The following CNTN5 variants were observed in gnomAD, a reference collection of about 807,000 sequenced individuals.
CNTN5 encodes the protein contactin-5.
A neutral mutation model predicts 129.1 loss-of-function variants in CNTN5; 77 were observed. The observed-to-expected ratio is 0.60, with a 90% confidence interval of 0.50 to 0.72. The LOEUF (loss-of-function observed/expected upper bound fraction) is 0.72. CNTN5 is among the 30% of genes least tolerant of loss of function. CNTN5 has a pLI of 0.00. For missense variants in CNTN5, 1,478 were observed against 1,328.8 expected (o/e 1.11, Z -1.75); for synonymous variants, 509 against 465.6 (o/e 1.09, Z -1.20).
chr11:99,831,896 G>T (rs763536801), intron 4 of CNTN5, among the ~76,000 whole-genome samples: 3 of 152,096 alleles, frequency 2.0e-5, no homozygotes, highest in Admixed American at 1.3e-4. Flanking sequence ...TGGACATTGA[G>T]TTCTTCAGCA....
intron 2 of CNTN5, among the ~76,000 whole-genome samples, chr11:99,458,546 A>T (rs1944575505): frequency 6.6e-6 from 1 of 151,980 alleles, no homozygotes; most frequent in East Asian, 1.9e-4. Context: ...TCTATTATGG[A>T]TTTGTTATCA....
chr11:99,909,742 A>G (rs1949606045), intron 6 of CNTN5, among the ~76,000 whole-genome samples: 1 of 151,796 alleles, frequency 6.6e-6, no homozygotes, highest in African/African-American at 2.4e-5. Flanking sequence ...GTTCTCACTC[A>G]TAGGTGGGAA....
intron 2 of CNTN5, among the ~76,000 whole-genome samples, chr11:99,427,043 A>G (rs11530589): frequency 0.22 from 33,696 of 152,146 alleles, 3,827 homozygotes; most frequent in Middle Eastern, 0.28. Flanking sequence ...TTCTTAGGCC[A>G]GTTACCGAAA....
chr11:99,497,444 T>C lies in CNTN5; in HGVS notation c.-70-58701T>C, dbSNP rs192222168. Among the ~76,000 whole-genome samples, 44 of 152,160 alleles carry C rather than the reference T, an allele frequency of 2.9e-4. 1 individual carries two copies. Among genetic ancestry groups the C allele is most frequent in the Admixed American group, 9.2e-4 (14 of 15,290 alleles). On this transcript the variant is annotated intron_variant, in intron 2 of 24. Coordinates refer to ENST00000524871, the MANE Select transcript of CNTN5 (RefSeq NM_014361.4). The stretch of plus-strand genomic sequence containing the variant: ...GCCACAAAAAAGCTAGTAACCCAGA[T>C]AGAAAATTCCCCTTTTCTGTAGGAA...
chr11:99,732,069 C>T (rs1223450590), intron 3 of CNTN5, among the ~76,000 whole-genome samples: 3 of 151,992 alleles, frequency 2.0e-5, no homozygotes, highest in Admixed American at 1.3e-4. Flanking sequence ...GATGTAGATA[C>T]AAAGAAGACA....
At chr11:99,543,007 G>T (rs1239906745) in intron 2 of CNTN5, among the ~76,000 whole-genome samples, 1 of 152,184 alleles carries the variant, frequency 6.6e-6, no homozygotes, top group African/African-American at 2.4e-5. Context: ...GCCTTGTGTT[G>T]TGCCTTGTCT....
intron 9 of CNTN5, among the ~76,000 whole-genome samples, chr11:100,051,734 T>G (rs1942963974): frequency 6.6e-6 from 1 of 151,924 alleles, no homozygotes; most frequent in Non-Finnish European, 1.5e-5. Flanking sequence ...AGATAAAATT[T>G]AACCAATATC....
chr11:100,251,618 C>A (rs763049039), intron 16 of CNTN5, among the ~76,000 whole-genome samples: 3 of 152,062 alleles, frequency 2.0e-5, no homozygotes, highest in Non-Finnish European at 4.4e-5. Context: ...GTCCTTTCTA[C>A]TTCTATGAGA....
chr11:99,100,298 A>G (rs926984827), intron 1 of CNTN5, among the ~76,000 whole-genome samples: 6 of 152,102 alleles, frequency 3.9e-5, no homozygotes, highest in Non-Finnish European at 8.8e-5. Context: ...AAATAATATA[A>G]AGCAAATTCC....
intron 1 of CNTN5, among the ~76,000 whole-genome samples, chr11:99,044,811 G>A (rs1472791288): frequency 6.6e-6 from 1 of 152,070 alleles, no homozygotes; most frequent in African/African-American, 2.4e-5. Flanking sequence ...GCAAATATAA[G>A]GAAACTCTTA....
intron 3 of CNTN5, among the ~76,000 whole-genome samples, chr11:99,711,220 A>G (rs1372319349): frequency 6.6e-6 from 1 of 151,908 alleles, no homozygotes; most frequent in Non-Finnish European, 1.5e-5. Context: ...AAGCAACTCT[A>G]TAGAGATAGA....
chr11:99,422,453 A>G (rs1285678604), intron 2 of CNTN5, among the ~76,000 whole-genome samples: 2 of 148,648 alleles, frequency 1.3e-5, no homozygotes, highest in East Asian at 2.0e-4. Flanking sequence ...AAGAAAATGT[A>G]TGTCCTAACA....
chr11:99,165,757 A>C (rs1281915507), intron 1 of CNTN5, among the ~76,000 whole-genome samples: 1 of 152,150 alleles, frequency 6.6e-6, no homozygotes, highest in East Asian at 1.9e-4. Context: ...GGTCAAAATA[A>C]GAGATCGCAT....
At chr11:100,210,436 A>T (rs1434153265) in intron 15 of CNTN5, among the ~76,000 whole-genome samples, 1 of 151,726 alleles carries the variant, frequency 6.6e-6, no homozygotes, top group Non-Finnish European at 1.5e-5. Context: ...TATATAGATT[A>T]TATGGGTGGC....
chr11:100,062,199 A>G (rs1455251668), intron 10 of CNTN5, among the ~76,000 whole-genome samples: 3 of 152,222 alleles, frequency 2.0e-5, no homozygotes, highest in South Asian at 4.1e-4. Flanking sequence ...AGGCTAGAGC[A>G]TTGAAATAAG....
At chr11:99,588,204 C>A (rs1341877765) in intron 3 of CNTN5, among the ~76,000 whole-genome samples, 2 of 152,054 alleles carry the variant, frequency 1.3e-5, no homozygotes, top group African/African-American at 4.8e-5. Flanking sequence ...ATTAGCTGGG[C>A]CTATTGGCGG....
intron 3 of CNTN5, among the ~76,000 whole-genome samples, chr11:99,678,773 A>G (rs950029784): frequency 1.3e-5 from 2 of 152,084 alleles, no homozygotes; most frequent in African/African-American, 4.8e-5. Flanking sequence ...GCATGGTGGC[A>G]CAGCGCCAAC....
chr11:99,241,066 A>G (rs887056762), intron 1 of CNTN5, among the ~76,000 whole-genome samples: 2 of 152,168 alleles, frequency 1.3e-5, no homozygotes, highest in Admixed American at 1.3e-4. Flanking sequence ...TATAGAAGGT[A>G]TTTTTATTTT....
intron 13 of CNTN5, among the ~76,000 whole-genome samples, chr11:100,182,213 A>T (rs779743484): frequency 6.6e-5 from 10 of 152,044 alleles, no homozygotes; most frequent in Non-Finnish European, 1.0e-4. Context: ...ACAGTGTTTT[A>T]GTTTGGGCAG....
Sources: gnomAD v4.1 joint callset for allele counts (sites outside exome capture counted in the v4.1 genomes callset) on GRCh38, gnomAD v4.1.1 for gene constraint, MANE v1.5 for transcripts, NCBI Gene and HGNC (gene_info 2026-07-23, HGNC 2026-07-21) for gene names.